Variants in TRANK1 observed in about 807,000 individuals in gnomAD.
TRANK1 encodes TPR and ankyrin repeat-containing protein 1.
In TRANK1, 198 loss-of-function variants were observed where a neutral mutation model predicts 266.0. The observed-to-expected ratio is 0.74, with a 90% CI of 0.66 to 0.84. The LOEUF (loss-of-function observed/expected upper bound fraction) is 0.84. TRANK1 is among the 40% of genes least tolerant of loss of function. The pLI, the probability that TRANK1 is intolerant of heterozygous loss-of-function variation, is 0.00. For synonymous variants in TRANK1, 1,396 were observed against 1,384.1 expected (o/e 1.01, Z -0.19); for missense variants, 3,326 against 3,634.6 (o/e 0.92, Z 2.18).
intron 8 of TRANK1, among the ~76,000 whole-genome samples, chr3:36,879,990 ATG>A (rs1406065985): frequency 0.014 from 303 of 21,464 alleles, 98 homozygotes; most frequent in Middle Eastern, 0.083. Flanking sequence ...ATGCAAATAT[ATG>A]TAAACATGCA....
intron 9 of TRANK1, among the ~76,000 whole-genome samples, chr3:36,869,465 CTAA>C (rs1354094678): frequency 6.6e-6 from 1 of 152,166 alleles, no homozygotes. Context: ...AACTCAAATC[CTAA>C]TGTTATTGTG....
chr3:36,934,050 A>G (rs2080392778), intron 1 of TRANK1, among the ~76,000 whole-genome samples: 1 of 152,218 alleles, frequency 6.6e-6, no homozygotes, highest in Non-Finnish European at 1.5e-5. Flanking sequence ...CATGGTAGGC[A>G]TGCTCTAGAT....
Position 36,934,123 on chromosome 3 carries a change from G to A in TRANK1, c.23+10664C>T, listed in dbSNP as rs988938773. Among the ~76,000 whole-genome samples the A allele has an allele frequency of 7.2e-5, 11 of 152,340 alleles. No homozygotes were observed. In the South Asian group the frequency reaches 1.0e-3, roughly 14 times the overall value. On this transcript the variant is annotated intron_variant, in intron 1 of 23. Coordinates refer to ENST00000645898, the MANE Select transcript of TRANK1 (RefSeq NM_001329998.2). The stretch of plus-strand genomic sequence containing the variant: ...GCCAAGGTACACAGAGGCAGGCCAG[G>A]GCCTTGTGTGTGCTCCATGGGCCAG...
intron 1 of TRANK1, among the ~76,000 whole-genome samples, chr3:36,922,227 A>T (rs1458119021): frequency 1.3e-5 from 2 of 152,196 alleles, no homozygotes; most frequent in Non-Finnish European, 2.9e-5. Context: ...TCTGGCTACT[A>T]TTACTATTCT....
At position 36,855,035 on chromosome 3, in the gene TRANK1, C is replaced by A. The variant is rs947731902; in HGVS notation, c.4549+138G>T. Reference sequence around the variant, plus strand: ...AATCATACTATCTCTTGTCCATGAGCGTATTTACTAACAAATTCCAAAATA... The same window carrying A: ...AATCATACTATCTCTTGTCCATGAGAGTATTTACTAACAAATTCCAAAATA... On this transcript the variant is annotated intron_variant, in intron 13 of 23. Transcript: ENST00000645898. The A allele has an allele frequency of 1.1e-5, 8 of 728,424 alleles. No individual in the cohort carries two copies. In the South Asian group the frequency reaches 1.4e-4, roughly 13 times the overall value. 45.1% of individuals were successfully genotyped at this position (728,424 alleles called of 1,614,324 possible).
In TRANK1 at chr3:36,857,992, G is replaced by A. The variant is rs763992429; in HGVS notation, c.1730C>T (p.Thr577Ile). ...HLLDLFWSNPTEFDYLNPNVQ... is the reference protein window; with the variant it reads ...HLLDLFWSNPIEFDYLNPNVQ... ...ATTGGGGTTGAGGTAGTCGAATTCA[G>A]TGGGGTTGGACCAAAACAGATCCAA... Residue 577 changes from threonine (T) to isoleucine (I), a missense_variant, in exon 13 of 24, where the codon ACT (threonine) becomes ATT (isoleucine). Thr to Ile is a moderately conservative substitution (Grantham distance 89, BLOSUM62 -1). Coordinates refer to ENST00000645898, the MANE Select transcript of TRANK1 (RefSeq NM_001329998.2). The surrounding 1 kb of genome is among the most constrained non-coding windows in gnomAD (Gnocchi z 4.3). 2 of 1,597,940 alleles carry A rather than the reference G, an allele frequency of 1.3e-6. No homozygotes were observed. Among genetic ancestry groups the A allele is most frequent in the Non-Finnish European group, 1.7e-6 (2 of 1,178,656 alleles).
In TRANK1 at chr3:36,882,466, G is replaced by GA. The variant is rs1005271998; in HGVS notation, c.907+7362dup. ...GCAGAGACAAATAGGTAATTATTTG[G>GA]AAAAAAAAGTAAAGCTAGATTCTTA... On this transcript the variant is annotated intron_variant, in intron 8 of 23. Coordinates refer to ENST00000645898, the MANE Select transcript of TRANK1 (RefSeq NM_001329998.2). Among the ~76,000 whole-genome samples, 7 of 151,490 alleles carry GA rather than the reference G, an allele frequency of 4.6e-5. No individual in the cohort carries two copies. In the Middle Eastern group the frequency reaches 0.01, roughly 222 times the overall value.
At chr3:36,914,466 T>TA (rs2080098297) in intron 1 of TRANK1, among the ~76,000 whole-genome samples, 1 of 150,040 alleles carries the variant, frequency 6.7e-6, no homozygotes, top group African/African-American at 2.5e-5. Context: ...TTTTTTTTTT[T>TA]AAGTAAATTT....
At position 36,831,428 on chromosome 3, in the gene TRANK1, T is replaced by C. The variant is rs776146130; in HGVS notation, c.8155A>G (p.Ile2719Val). 8.1e-6 allele frequency: 13 copies of C among 1,613,040 alleles called. No individual in the cohort carries two copies. Among genetic ancestry groups the C allele is most frequent in the South Asian group, 5.5e-5 (5 of 90,854 alleles). The change falls in exon 22 of 24, where the codon ATA becomes GTA. Residue 2719 changes from isoleucine (I) to valine (V), a missense_variant. Ile to Val is a conservative substitution (Grantham distance 29). Transcript: ENST00000645898. This position sits in a 1 kb window ranked among gnomAD's most constrained non-coding sequence, Gnocchi z 5.0. ...CATGCCCTCCTCAACTTCCGCTGTA[T>C]GGAGGCCTTCCGTTGCTTTTGGGAA... Reference protein sequence around the residue: ...ILSQKQRKASIQRKLRRACLV... With the variant: ...ILSQKQRKASVQRKLRRACLV...
At chr3:36,850,083 C>T (rs2078966673) in intron 15 of TRANK1, 1 of 985,430 alleles carries the variant, frequency 1.0e-6, no homozygotes, top group Non-Finnish European at 1.2e-6. Context: ...AAGTCCAGAG[C>T]TCCTTGAGCT....
intron 1 of TRANK1, among the ~76,000 whole-genome samples, chr3:36,941,158 C>G (rs1216195267): frequency 6.6e-6 from 1 of 152,198 alleles, no homozygotes; most frequent in African/African-American, 2.4e-5. Context: ...ATGTGTTGTG[C>G]ACTACTGGCC....
intron 1 of TRANK1, chr3:36,908,694 C>T (rs1293960468): frequency 2.2e-6 from 2 of 929,528 alleles, no homozygotes. Context: ...ATTTATTCAG[C>T]ATTAATGATC....
chr3:36,858,868 G>A lies in TRANK1; in HGVS notation c.1522C>T (p.Gln508Ter). 1 of 1,536,750 alleles carries A rather than the reference G, an allele frequency of 6.5e-7. No homozygotes were observed. The highest frequency in any genetic ancestry group is 8.7e-7 in the Non-Finnish European group (1 of 1,146,642). ...AGGCACGTGACAACTGGCCTCTCCTGGCTCTCCTGAAGACCATCAGGCAAG... is the reference window on the plus strand; with the variant it reads ...AGGCACGTGACAACTGGCCTCTCCTAGCTCTCCTGAAGACCATCAGGCAAG... Reference protein sequence around the residue: ...GALPDGLQESQERPVVTCLKH... With the variant: ...GALPDGLQES Residue 508 changes from glutamine to a stop codon, truncating the protein, a stop_gained, in exon 12 of 24, where the codon CAG becomes TAG. Coordinates refer to ENST00000645898, the MANE Select transcript of TRANK1 (RefSeq NM_001329998.2). LOFTEE classifies it high-confidence loss of function.
In TRANK1 at chr3:36,855,326, T is replaced by A. The variant is rs1353282293; in HGVS notation, c.4396A>T (p.Thr1466Ser). ...DPNSMFLTGD[T>S]AQSIMKGVAF... The stretch of plus-strand genomic sequence containing the variant: ...ACGCCCTTCATGATGCTCTGGGCCG[T>A]GTCCCCCGTGAGGAACATAGAGTTG... The change falls in exon 13 of 24, where the codon ACG becomes TCG. Residue 1466 changes from threonine (T) to serine (S), a missense_variant. By Grantham distance (58) the Thr-to-Ser change is moderately conservative. Coordinates refer to ENST00000645898, the MANE Select transcript of TRANK1 (RefSeq NM_001329998.2). 6.2e-7 allele frequency: 1 copy of A among 1,614,036 alleles called. No individual in the cohort carries two copies. The highest frequency in any genetic ancestry group is 1.3e-5 in the African/African-American group (1 of 75,074).
At chr3:36,940,246 C>T (rs2080478647) in intron 1 of TRANK1, among the ~76,000 whole-genome samples, 1 of 151,618 alleles carries the variant, frequency 6.6e-6, no homozygotes, top group Admixed American at 6.6e-5. Flanking sequence ...GCCTGTAATC[C>T]CAGCACTTTG....
chr3:36,930,205 G>A (rs2080342655), intron 1 of TRANK1, among the ~76,000 whole-genome samples: 1 of 152,202 alleles, frequency 6.6e-6, no homozygotes, highest in African/African-American at 2.4e-5. Context: ...ATGAAAAGGA[G>A]TGGGCCCATC....
intron 1 of TRANK1, among the ~76,000 whole-genome samples, chr3:36,937,021 C>T (rs189753182): frequency 1.8e-3 from 279 of 152,066 alleles, no homozygotes; most frequent in Non-Finnish European, 2.0e-3. Flanking sequence ...TGCTTGAGCC[C>T]GGGAGGCGGA....
intron 1 of TRANK1, among the ~76,000 whole-genome samples, chr3:36,931,666 C>G (rs1242951868): frequency 6.6e-6 from 1 of 152,162 alleles, no homozygotes; most frequent in African/African-American, 2.4e-5. Flanking sequence ...CATGCCACTG[C>G]ACTACAGGCT....
chr3:36,924,357 G>C (rs2125653865), intron 1 of TRANK1, among the ~76,000 whole-genome samples: 1 of 152,318 alleles, frequency 6.6e-6, no homozygotes. Context: ...GATGTCCCAA[G>C]AGAAAGTGCA....
Sources: allele counts gnomAD v4.1 joint callset (sites outside exome capture counted in the v4.1 genomes callset), GRCh38; gene constraint gnomAD v4.1.1; non-coding constraint Gnocchi (gnomAD v3.1); transcripts MANE v1.5; gene names NCBI Gene and HGNC (gene_info 2026-07-23, HGNC 2026-07-21).